The following DPYSL5 variants were observed in gnomAD, a reference collection of about 807,000 sequenced individuals.
The protein encoded by DPYSL5 is dihydropyrimidinase-related protein 5.
Under a neutral mutation model 58.4 loss-of-function variants are expected in DPYSL5, and 9 were observed. The ratio of observed to expected loss-of-function variants is 0.15; its 90% confidence interval spans 0.09 to 0.27. The LOEUF (loss-of-function observed/expected upper bound fraction) is 0.27. Among genes scored for constraint, DPYSL5 ranks in the 10% least tolerant of loss-of-function variants. The pLI, the probability that DPYSL5 is intolerant of heterozygous loss-of-function variation, is 1.00. For synonymous variants in DPYSL5, 293 were observed against 301.9 expected (o/e 0.97, Z 0.31); for missense variants, 499 against 770.6 (o/e 0.65, Z 4.17).
At chr2:26,904,614 A>G (rs1664243718) in intron 2 of DPYSL5, among the ~76,000 whole-genome samples, 1 of 152,202 alleles carries the variant, frequency 6.6e-6, no homozygotes, top group African/African-American at 2.4e-5. Flanking sequence ...GAGAGGATGC[A>G]TGAACGTGCC....
At chr2:26,859,039 G>A (rs1265637666) in intron 1 of DPYSL5, among the ~76,000 whole-genome samples, 1 of 152,042 alleles carries the variant, frequency 6.6e-6, no homozygotes, top group African/African-American at 2.4e-5. Context: ...ACCATGGCAT[G>A]GAAATTATTT....
chr2:26,904,305 G>T (rs553580095), intron 2 of DPYSL5, among the ~76,000 whole-genome samples: 1 of 152,324 alleles, frequency 6.6e-6, no homozygotes, highest in East Asian at 1.9e-4. Context: ...CGCTTGGCAG[G>T]TTGCTTTTGC....
intron 1 of DPYSL5, among the ~76,000 whole-genome samples, chr2:26,871,850 T>A (rs1007674098): frequency 1.3e-5 from 2 of 152,174 alleles, no homozygotes; most frequent in Non-Finnish European, 2.9e-5. Flanking sequence ...AAACATTATA[T>A]CAACATCGTA....
intron 8 of DPYSL5, chr2:26,939,763 C>G (rs2148173917): frequency 2.5e-6 from 1 of 393,184 alleles, no homozygotes; most frequent in East Asian, 4.5e-5. Flanking sequence ...TCTCTGCTAT[C>G]TTCACTCTTA....
rs1665135856 is a variant in DPYSL5 at position 26,934,979 on chromosome 2, T to C, written c.947+245T>C. On this transcript the variant is annotated intron_variant, in intron 8 of 12. Transcript: ENST00000288699. This position sits in a 1 kb window ranked among gnomAD's most constrained non-coding sequence, Gnocchi z 4.3. ...GCACATATAGAACTGTGAACCGTGG[T>C]TATTCGGAATTTCAAAGGACATTGA... Among the ~76,000 whole-genome samples the C allele has an allele frequency of 6.6e-6, 1 of 151,790 alleles. No individual in the cohort carries two copies.
intron 2 of DPYSL5, among the ~76,000 whole-genome samples, chr2:26,916,247 A>T (rs1045764061): frequency 2.6e-5 from 4 of 152,116 alleles, no homozygotes; most frequent in African/African-American, 9.7e-5. Context: ...TCATCCCAAC[A>T]CTGCCCTTGA....
At chr2:26,943,682 C>T (rs1456355231) in intron 11 of DPYSL5, among the ~76,000 whole-genome samples, 1 of 152,200 alleles carries the variant, frequency 6.6e-6, no homozygotes, top group Admixed American at 6.5e-5. Context: ...CATATTAATT[C>T]GTCTGCTCTC....
chr2:26,867,353 A>T (rs1666168644), intron 1 of DPYSL5, among the ~76,000 whole-genome samples: 1 of 152,208 alleles, frequency 6.6e-6, no homozygotes, highest in Admixed American at 6.5e-5. Context: ...AAATCTTTTT[A>T]AAATTGCATA....
chr2:26,922,984 A>G lies in DPYSL5; in HGVS notation c.262-1903A>G, dbSNP rs145629661. 4.7e-3 allele frequency among the ~76,000 whole-genome samples: 718 copies of G among 152,308 alleles called. 4 individuals carry two copies. Among genetic ancestry groups the G allele is most frequent in the African/African-American group, 0.017 (698 of 41,568 alleles). On this transcript the variant is annotated intron_variant, in intron 2 of 12. Transcript: ENST00000288699. ...CATTCTCGCTGGCCCAGCCTGCGTC[A>G]TGGAACATCAAGGTTGTGAGAGTTT...
At chr2:26,922,403 G>A (rs990809869) in intron 2 of DPYSL5, among the ~76,000 whole-genome samples, 12 of 152,234 alleles carry the variant, frequency 7.9e-5, no homozygotes, top group African/African-American at 2.9e-4. Context: ...TGGCCTTTAT[G>A]AAGATGTATT....
intron 2 of DPYSL5, among the ~76,000 whole-genome samples, chr2:26,901,551 A>G (rs1223532944): frequency 6.6e-6 from 1 of 152,168 alleles, no homozygotes; most frequent in African/African-American, 2.4e-5. Context: ...TGTGGCACCC[A>G]TGCAGAGGCC....
In DPYSL5 at chr2:26,933,888, G is replaced by A. The variant is rs945552522; in HGVS notation, c.790+555G>A. Reference sequence around the variant, plus strand: ...GAGTCCAGCCCCGCCCCAGGTGCTGGTGAGGGCCTGGCAGCAGGAGAAACA... The same window carrying A: ...GAGTCCAGCCCCGCCCCAGGTGCTGATGAGGGCCTGGCAGCAGGAGAAACA... On this transcript the variant is annotated intron_variant, in intron 7 of 12. Coordinates refer to ENST00000288699, the MANE Select transcript of DPYSL5 (RefSeq NM_020134.4). The surrounding 1 kb of genome is among the most constrained non-coding windows in gnomAD (Gnocchi z 4.2). Among the ~76,000 whole-genome samples the A allele has an allele frequency of 1.3e-5, 2 of 152,140 alleles. No homozygotes were observed. Among genetic ancestry groups the A allele is most frequent in the African/African-American group, 4.8e-5 (2 of 41,430 alleles).
At chr2:26,889,471 C>T (rs542173336) in intron 1 of DPYSL5, among the ~76,000 whole-genome samples, 5 of 151,980 alleles carry the variant, frequency 3.3e-5, no homozygotes, top group Non-Finnish European at 5.9e-5. Context: ...ACAGTTTCAT[C>T]GTGTTAGCCA....
At chr2:26,851,977 T>C (rs1280865785) in intron 1 of DPYSL5, among the ~76,000 whole-genome samples, 1 of 152,168 alleles carries the variant, frequency 6.6e-6, no homozygotes, top group Non-Finnish European at 1.5e-5. Flanking sequence ...TGTGTTCAGA[T>C]CATTTTCTTG....
chr2:26,858,837 G>A (rs1444406029), intron 1 of DPYSL5, among the ~76,000 whole-genome samples: 1 of 151,716 alleles, frequency 6.6e-6, no homozygotes, highest in Non-Finnish European at 1.5e-5. Flanking sequence ...GCCTCCTACA[G>A]TGCTGGGATT....
In DPYSL5 at chr2:26,933,214, T is replaced by G; in HGVS notation, c.715-44T>G. 1 of 1,585,560 alleles carries G rather than the reference T, an allele frequency of 6.3e-7. No homozygotes were observed. The highest frequency in any genetic ancestry group is 8.7e-7 in the Non-Finnish European group (1 of 1,154,000). On this transcript the variant is annotated intron_variant, in intron 6 of 12. Transcript: ENST00000288699. This position sits in a 1 kb window ranked among gnomAD's most constrained non-coding sequence, Gnocchi z 4.2. The stretch of plus-strand genomic sequence containing the variant: ...AGGGTTATTCTGATGCTTGTGAAGT[T>G]TATGGGTCAACCCTCCCTACTTCCC...
chr2:26,931,199 G>GTATATATA (rs1287075956), intron 5 of DPYSL5, among the ~76,000 whole-genome samples: 753 of 52,738 alleles, frequency 0.014, 7 homozygotes, highest in Middle Eastern at 0.024. Flanking sequence ...GTGTGTGTGT[G>GTATATATA]TGTGTATATA....
At chr2:26,865,311 T>C (rs1157337562) in intron 1 of DPYSL5, among the ~76,000 whole-genome samples, 1 of 126,354 alleles carries the variant, frequency 7.9e-6, no homozygotes, top group Admixed American at 8.8e-5. Context: ...GGTTTTGTGT[T>C]CTTTTTTTTT....
chr2:26,910,369 TC>T (rs1359579924), intron 2 of DPYSL5, among the ~76,000 whole-genome samples: 1 of 152,178 alleles, frequency 6.6e-6, no homozygotes, highest in Non-Finnish European at 1.5e-5. Flanking sequence ...TCCATATCAT[TC>T]CCACCACTTG....
Sources: gnomAD v4.1 joint callset for allele counts (sites outside exome capture counted in the v4.1 genomes callset) on GRCh38, gnomAD v4.1.1 for gene constraint, Gnocchi (gnomAD v3.1) non-coding constraint, MANE v1.5 for transcripts, NCBI Gene and HGNC (gene_info 2026-07-23, HGNC 2026-07-21) for gene names.